Variants in RNF14 observed in about 807,000 individuals in gnomAD.
RNF14 encodes ring finger protein 14.
Under a neutral mutation model 52.6 loss-of-function variants are expected in RNF14, and 26 were observed. That is an observed-to-expected ratio of 0.49 (90% CI 0.36 to 0.69). The LOEUF (loss-of-function observed/expected upper bound fraction) is 0.69. Among genes scored for constraint, RNF14 ranks in the 30% least tolerant of loss-of-function variants. The pLI, the probability that RNF14 is intolerant of heterozygous loss-of-function variation, is 0.00. For synonymous variants in RNF14, 194 were observed against 202.0 expected, an observed-to-expected ratio of 0.96 and a Z score of 0.34; for missense variants, 404 against 560.4, an observed-to-expected ratio of 0.72 and a Z score of 2.82.
At chr5:141,967,274 C>CA (rs1359909797), upstream of RNF14, among the ~76,000 whole-genome samples, 1 of 152,162 alleles carries the variant, frequency 6.6e-6, no homozygotes, top group African/African-American at 2.4e-5. Flanking sequence ...TTAAGAACTT[C>CA]AAGAGGGTGA....
At chr5:141,965,194 C>G (rs1005017136), upstream of RNF14, among the ~76,000 whole-genome samples, 1 of 152,154 alleles carries the variant, frequency 6.6e-6, no homozygotes, top group Non-Finnish European at 1.5e-5. Flanking sequence ...GAGGCAGTCC[C>G]CCCTGGGATG....
At chr5:141,958,062 G>A (rs1184216790), upstream of RNF14, 5 of 597,348 alleles carry the variant, frequency 8.4e-6, no homozygotes, top group East Asian at 2.9e-5. Flanking sequence ...ATGTCCAAAC[G>A]CCGATCAAGA....
chr5:141,955,831 T>G (rs764684851), upstream of RNF14: 25 of 1,613,822 alleles, frequency 1.5e-5, no homozygotes, highest in Non-Finnish European at 2.1e-5. This position sits in a 1 kb window ranked among gnomAD's most constrained non-coding sequence, Gnocchi z 5.5. Flanking sequence ...TACTACTATC[T>G]CCAGCTCCCA....
upstream of RNF14, chr5:141,955,953 C>T: frequency 6.2e-7 from 1 of 1,614,190 alleles, no homozygotes; most frequent in South Asian, 1.1e-5. The surrounding 1 kb of genome is among the most constrained non-coding windows in gnomAD (Gnocchi z 5.5). Context: ...TGTAGAGGGG[C>T]TCTCCATTTG....
intron 8 of RNF14, among the ~76,000 whole-genome samples, chr5:141,985,267 T>TG (rs1167867105): frequency 6.6e-6 from 1 of 152,184 alleles, no homozygotes; most frequent in East Asian, 1.9e-4. Flanking sequence ...TACATGAAGT[T>TG]GGAGTTATGA....
upstream of RNF14, chr5:141,957,973 C>A: frequency 1.8e-6 from 2 of 1,115,086 alleles, no homozygotes; most frequent in Non-Finnish European, 2.5e-6. This position sits in a 1 kb window ranked among gnomAD's most constrained non-coding sequence, Gnocchi z 4.3. Context: ...GCTGCCGGCA[C>A]AACCTTGTCC....
At chr5:141,975,292 C>G (rs1055810887) in intron 4 of RNF14, among the ~76,000 whole-genome samples, 6 of 152,142 alleles carry the variant, frequency 3.9e-5, no homozygotes, top group Non-Finnish European at 7.4e-5. Flanking sequence ...GACATTGATA[C>G]TACTTTTCTC....
chr5:141,974,940 G>A lies in RNF14; in HGVS notation c.291G>A (p.Trp97Ter). 1.9e-6 allele frequency: 3 copies of A among 1,613,388 alleles called. No homozygotes were observed. Among genetic ancestry groups the A allele is most frequent in the Non-Finnish European group, 2.5e-6 (3 of 1,179,832 alleles). ...SPPSFTLSGK[W>*]LSPTQLSALC... ...CTTCATTCACACTTAGTGGCAAATG[G>A]CTGTCACCAACTCAGGTTAGACTTG... Residue 97 changes from tryptophan to a stop codon, truncating the protein, a stop_gained, in exon 4 of 9, where the codon TGG becomes TGA. Coordinates refer to ENST00000394520, the MANE Select transcript of RNF14 (RefSeq NM_004290.5). LOFTEE classifies it high-confidence loss of function.
chr5:141,977,661 G>T (rs1754385332), intron 4 of RNF14, among the ~76,000 whole-genome samples: 1 of 152,102 alleles, frequency 6.6e-6, no homozygotes, highest in Admixed American at 6.6e-5. Flanking sequence ...TTAGGACCAG[G>T]GTCAATATCA....
rs148365217 is a variant in RNF14, at chr5:141,960,628, G to A, written c.-181+2203G>A. ...GTGGAGTGCTTTTGAAAAGCTCTAC[G>A]CAGGATAATGAGAACAGCGACCACA... On this transcript the variant is annotated intron_variant, in intron 1 of 4. Coordinates refer to the RNF14 transcript ENST00000506822. Among the ~76,000 whole-genome samples, 333 of 152,278 alleles carry A rather than the reference G, an allele frequency of 2.2e-3. 1 individual carries two copies. The highest frequency in any genetic ancestry group is 4.0e-3 in the Non-Finnish European group (272 of 68,028).
chr5:141,956,678 AG>A, upstream of RNF14: 1 of 1,614,260 alleles, frequency 6.2e-7, no homozygotes, highest in Non-Finnish European at 8.5e-7. Flanking sequence ...TGGCTCAGCC[AG>A]CAGTGGACCA....
At chr5:141,962,545 T>TA (rs1561538412), upstream of RNF14, among the ~76,000 whole-genome samples, 1 of 152,124 alleles carries the variant, frequency 6.6e-6, no homozygotes, top group Non-Finnish European at 1.5e-5. Flanking sequence ...ATTTACGTGA[T>TA]AAAAATAAAT....
At position 141,978,560 on chromosome 5, in the gene RNF14, G is replaced by T. The variant is rs777764504; in HGVS notation, c.564G>T (p.Val188=). ...DQEEIVDERA[V]QDVESLSNLI... is the part of the protein sequence containing the mutation. ...AGGAAATTGTGGATGAGAGAGCAGTGCAGGATGTGGAATCACTGTCAAATC... is the reference window on the plus strand; with the variant it reads ...AGGAAATTGTGGATGAGAGAGCAGTTCAGGATGTGGAATCACTGTCAAATC... Residue 188 remains valine, a synonymous_variant, in exon 5 of 9, where the codon GTG becomes GTT. Coordinates refer to ENST00000394520, the MANE Select transcript of RNF14 (RefSeq NM_004290.5). 6.2e-7 allele frequency: 1 copy of T among 1,614,148 alleles called. No homozygotes were observed. Among genetic ancestry groups the T allele is most frequent in the South Asian group, 1.1e-5 (1 of 91,080 alleles).
At chr5:141,980,713 TTAAG>T (rs1754691925) in intron 6 of RNF14, among the ~76,000 whole-genome samples, 1 of 152,160 alleles carries the variant, frequency 6.6e-6, no homozygotes, top group Non-Finnish European at 1.5e-5. Flanking sequence ...GCAAAATGGT[TTAAG>T]TAAGGACTTG....
At chr5:141,955,932 A>C, upstream of RNF14, 1 of 1,614,116 alleles carries the variant, frequency 6.2e-7, no homozygotes, top group Non-Finnish European at 8.5e-7. This position sits in a 1 kb window ranked among gnomAD's most constrained non-coding sequence, Gnocchi z 5.5. Flanking sequence ...CTTCATTTCC[A>C]CTGCGGATGC....
upstream of RNF14, chr5:141,956,638 G>A: frequency 6.2e-7 from 1 of 1,614,182 alleles, no homozygotes; most frequent in Non-Finnish European, 8.5e-7. Flanking sequence ...GTTGCCATTA[G>A]TTCTTTTCAG....
At chr5:141,977,664 C>G (rs1754386243) in intron 4 of RNF14, among the ~76,000 whole-genome samples, 1 of 152,176 alleles carries the variant, frequency 6.6e-6, no homozygotes, top group African/African-American at 2.4e-5. Context: ...GGACCAGGGT[C>G]AATATCAGGC....
chr5:141,971,447 T>A (rs192402817), intron 2 of RNF14, among the ~76,000 whole-genome samples: 169 of 152,294 alleles, frequency 1.1e-3, no homozygotes, highest in African/African-American at 4.0e-3. Context: ...TTGCCAAGGC[T>A]GATCTCAAAC....
chr5:141,978,951 G>C, intron 5 of RNF14, 121 bp downstream of exon 5: 1 of 1,048,636 alleles, frequency 9.5e-7, no homozygotes, highest in Non-Finnish European at 1.4e-6. Context: ...CAGCCCACAA[G>C]TTGTTTTGCT....
Sources: allele counts gnomAD v4.1 joint callset (sites outside exome capture counted in the v4.1 genomes callset), GRCh38; gene constraint gnomAD v4.1.1; non-coding constraint Gnocchi (gnomAD v3.1); transcripts MANE v1.5; gene names NCBI Gene and HGNC (gene_info 2026-07-23, HGNC 2026-07-21).